PLEC: variants seen among roughly 807,000 people sequenced by gnomAD.
PLEC encodes the protein plectin.
Under a neutral mutation model 392.8 loss-of-function variants are expected in PLEC, and 216 were observed. The observed-to-expected ratio is 0.55, with a 90% CI of 0.49 to 0.62. The LOEUF is 0.62. Among genes scored for constraint, PLEC ranks in the 20% least tolerant of loss-of-function variants. PLEC has a pLI of 0.00. For missense variants in PLEC, 6,863 were observed against 6,563.4 expected (o/e 1.05, Z -1.58); for synonymous variants, 3,621 against 2,980.6 (o/e 1.21, Z -7.00).
At chr8:143,925,916 A>T (rs1554704611) in intron 30 of PLEC, 32 bp from the exon 31 acceptor site, 1 of 1,534,422 alleles carries the variant, frequency 6.5e-7, no homozygotes, top group Non-Finnish European at 8.7e-7. Flanking sequence ...GAAGAGAAGC[A>T]GAGAGAGTGT....
In PLEC at chr8:143,925,003, T is replaced by C. The variant is rs1554700231; in HGVS notation, c.4926A>G (p.Leu1642=). Residue 1642 remains leucine (L), a synonymous_variant, in exon 31 of 32, where the codon CTA becomes CTG. Transcript: ENST00000345136. The part of the protein sequence containing the change: ...ERWQLKANEA[L]RLRLQAEEVA... ...CCTCCTCCGCCTGCAGCCGCAGCCGTAGCGCCTCGTTGGCCTTGAGCTGCC... is the reference window on the plus strand; with the variant it reads ...CCTCCTCCGCCTGCAGCCGCAGCCGCAGCGCCTCGTTGGCCTTGAGCTGCC... 1 of 1,572,912 alleles carries C rather than the reference T, an allele frequency of 6.4e-7. No homozygotes were observed.
In PLEC at chr8:143,917,828, G is replaced by C; in HGVS notation, c.11993C>G (p.Pro3998Arg). Residue 3998 changes from proline (P) to arginine (R), a missense_variant, in exon 32 of 32, where the codon CCC (proline) becomes CGC (arginine). Pro to Arg is a moderately radical substitution (Grantham distance 103, BLOSUM62 -2). Coordinates refer to ENST00000345136, the MANE Select transcript of PLEC (RefSeq NM_201384.3). ...CGACAGCAGCTTGTCCTTGAACTCG[G>C]GGCCCACAATGCCCATACGCACAGC... ...EEAVRMGIVGPEFKDKLLSAE... is the reference protein window; with the variant it reads ...EEAVRMGIVGREFKDKLLSAE... 2 of 1,613,416 alleles carry C rather than the reference G, an allele frequency of 1.2e-6. No individual in the cohort carries two copies. The highest frequency in any genetic ancestry group is 1.7e-6 in the Non-Finnish European group (2 of 1,180,008).
At chr8:143,945,021 G>A (rs1449839552) in intron 1 of PLEC, among the ~76,000 whole-genome samples, 1 of 152,158 alleles carries the variant, frequency 6.6e-6, no homozygotes. Context: ...CGCGGGAGGT[G>A]CGGGCTCACG....
Position 143,924,707 on chromosome 8 carries a change from C to T in PLEC, c.5222G>A (p.Arg1741His), listed in dbSNP as rs782125424. Residue 1741 changes from arginine (R) to histidine (H), a missense_variant, in exon 31 of 32, where the codon CGT (arginine) becomes CAT (histidine). By Grantham distance (29) the Arg-to-His change is conservative (BLOSUM62 0). Transcript: ENST00000345136. ...LLEEELARLQREAAAATQKRQ... is the reference protein window; with the variant it reads ...LLEEELARLQHEAAAATQKRQ... ...TTTCTGCGTGGCTGCAGCCGCCTCA[C>T]GCTGCAGCCGGGCCAGCTCCTCCTC... The T allele has an allele frequency of 6.7e-5, 102 of 1,533,708 alleles. No homozygotes were observed. The African/African-American group carries it at 7.1e-4, about 11-fold the overall frequency.
chr8:143,969,702 G>C lies in PLEC; in HGVS notation c.70+3701C>G, dbSNP rs2132950821. 6.6e-6 allele frequency among the ~76,000 whole-genome samples: 1 copy of C among 152,326 alleles called. No individual in the cohort carries two copies. The highest frequency in any genetic ancestry group is 3.4e-3 in the Middle Eastern group (1 of 294). ...GGGCCTGTCCTGGGGGTCAGGGCAT[G>C]AGTGCAGGCCGGGGAGTGGGGAGTG... On this transcript the variant is annotated intron_variant, in intron 1 of 31. Transcript: ENST00000356346. This position sits in a 1 kb window ranked among gnomAD's most constrained non-coding sequence, Gnocchi z 5.1.
At position 143,936,028 on chromosome 8, in the gene PLEC, AGAG is replaced by A; in HGVS notation, c.436-17_436-15del. On this transcript the variant is annotated splice_polypyrimidine_tract_variant and intron_variant, in intron 5 of 31. Coordinates refer to ENST00000345136, the MANE Select transcript of PLEC (RefSeq NM_201384.3). Reference sequence around the variant, plus strand: ...GATATCTGAGATCTGCTCACAGCAGAGAGGAGGCCACAGCTCAGCCACAGCCAC... The same window carrying A: ...GATATCTGAGATCTGCTCACAGCAGAGAGGCCACAGCTCAGCCACAGCCAC... 2 of 1,610,412 alleles carry A rather than the reference AGAG, an allele frequency of 1.2e-6. No homozygotes were observed. Among genetic ancestry groups the A allele is most frequent in the Non-Finnish European group, 1.7e-6 (2 of 1,179,890 alleles).
In PLEC at chr8:143,931,673, A is replaced by AG. The variant is rs782612482; in HGVS notation, c.2179-15dup. 39 of 1,594,610 alleles carry AG rather than the reference A, an allele frequency of 2.4e-5. No individual in the cohort carries two copies. The South Asian group carries it at 4.4e-4, about 18-fold the overall frequency. Reference sequence around the variant, plus strand: ...ATCTGAGAAGAACTGGGGCAGCGGGAGGGGGTCACGCCAGGCTACCTGGGA... The same window carrying AG: ...ATCTGAGAAGAACTGGGGCAGCGGGAGGGGGGTCACGCCAGGCTACCTGGGA... On this transcript the variant is annotated splice_polypyrimidine_tract_variant and intron_variant, in intron 18 of 31. Transcript: ENST00000345136.
In PLEC at chr8:143,927,920, C is replaced by G; in HGVS notation, c.3333G>C (p.Gln1111His). The G allele has an allele frequency of 6.2e-7, 1 of 1,600,868 alleles. No homozygotes were observed. Among genetic ancestry groups the G allele is most frequent in the Non-Finnish European group, 8.5e-7 (1 of 1,174,734 alleles). Residue 1111 changes from glutamine to histidine, a missense_variant, in exon 26 of 32, where the codon CAG becomes CAC. Coordinates refer to ENST00000345136, the MANE Select transcript of PLEC (RefSeq NM_201384.3). ...CCGGCACGGCCTGGGCCTCCTTGAG[C>G]TGCTCCTCGTGGGCCCTGAGCACCT... ...AEEVLRAHEE[Q>H]LKEAQAVPAT...
upstream of PLEC, chr8:143,958,660 C>T (rs782222156): frequency 4.0e-5 from 18 of 454,440 alleles, no homozygotes; most frequent in South Asian, 1.6e-4. This position sits in a 1 kb window ranked among gnomAD's most constrained non-coding sequence, Gnocchi z 4.9. Flanking sequence ...ACAGCCCTGC[C>T]GCTGCCCTCT....
At position 143,922,040 on chromosome 8, in the gene PLEC, A is replaced by G. The variant is rs1473894110; in HGVS notation, c.7781T>C (p.Leu2594Pro). 1 of 1,595,426 alleles carries G rather than the reference A, an allele frequency of 6.3e-7. No homozygotes were observed. The highest frequency in any genetic ancestry group is 8.5e-7 in the Non-Finnish European group (1 of 1,178,828). ...CTCCAGGAGCTGCAGCTGCTCACGC[A>G]GCCTCTGGTTCTCCTCAGCCAGCAG... ...EELLAEENQR[L>P]REQLQLLEEQ... is the part of the protein sequence containing the mutation. The change falls in exon 32 of 32, where the codon CTG becomes CCG. Residue 2594 changes from leucine to proline, a missense_variant. Leu to Pro is a moderately conservative substitution (Grantham distance 98, BLOSUM62 -3). Transcript: ENST00000345136.
At position 143,918,268 on chromosome 8, in the gene PLEC, G is replaced by A. The variant is rs782756147; in HGVS notation, c.11553C>T (p.Thr3851=). Residue 3851 remains threonine (T), a synonymous_variant, in exon 32 of 32, where the codon ACC becomes ACT. Coordinates refer to ENST00000345136, the MANE Select transcript of PLEC (RefSeq NM_201384.3). ...SEVRSYVDPS[T]DERLSYTQLL... is the part of the protein sequence containing the mutation. Reference sequence around the variant, plus strand: ...GCTGCGTGTAGCTGAGGCGCTCGTCGGTGGACGGGTCCACGTAGCTGCGCA... The same window carrying A: ...GCTGCGTGTAGCTGAGGCGCTCGTCAGTGGACGGGTCCACGTAGCTGCGCA... The A allele has an allele frequency of 7.3e-5, 116 of 1,591,994 alleles. No individual in the cohort carries two copies. The highest frequency in any genetic ancestry group is 2.8e-4 in the African/African-American group (21 of 74,784).
Position 143,933,315 on chromosome 8 carries a change from G to C in PLEC, c.1300C>G (p.Arg434Gly), listed in dbSNP as rs775285083. The C allele has an allele frequency of 6.2e-7, 1 of 1,612,590 alleles. No homozygotes were observed. Among genetic ancestry groups the C allele is most frequent in the Admixed American group, 1.7e-5 (1 of 60,024 alleles). The change falls in exon 13 of 32, where the codon CGG becomes GGG. Residue 434 changes from arginine (R) to glycine (G), a missense_variant. Physicochemically the swap from Arg to Gly is moderately radical, Grantham distance 125 (BLOSUM62 -2). Coordinates refer to ENST00000345136, the MANE Select transcript of PLEC (RefSeq NM_201384.3). ...RLLAAGKVPQ[R>G]AGEVERDLDK... ...AAGTCCCGTTCCACCTCCCCCGCCC[G>C]CTGTGGCACTTTGCCTGCAGCCAGC... is the stretch of plus-strand genomic sequence containing the variant.
rs1821793864 is a variant in PLEC at position 143,919,506 on chromosome 8, G to A, written c.10315C>T (p.Pro3439Ser). The change falls in exon 32 of 32, where the codon CCC (proline) becomes TCC (serine). Residue 3439 changes from proline (P) to serine (S), a missense_variant. Physicochemically the swap from Pro to Ser is moderately conservative, Grantham distance 74. Coordinates refer to ENST00000345136, the MANE Select transcript of PLEC (RefSeq NM_201384.3). Reference sequence around the variant, plus strand: ...AGGGAGATGGTGCTGCCCGAGTAGGGGTCTCTGTAGCCGGTGACGGCCTTC... The same window carrying A: ...AGGGAGATGGTGCTGCCCGAGTAGGAGTCTCTGTAGCCGGTGACGGCCTTC... ...AEKAVTGYRD[P>S]YSGSTISLFQ... 2 of 1,612,802 alleles carry A rather than the reference G, an allele frequency of 1.2e-6. No individual in the cohort carries two copies. Among genetic ancestry groups the A allele is most frequent in the Admixed American group, 1.7e-5 (1 of 60,022 alleles).
intron 19 of PLEC, among the ~76,000 whole-genome samples, chr8:143,930,946 TCA>T (rs1483889417): frequency 1.3e-5 from 2 of 152,038 alleles, no homozygotes; most frequent in African/African-American, 4.8e-5. Context: ...CCTGCCGACC[TCA>T]GAGGCCATTT....
At position 143,931,391 on chromosome 8, in the gene PLEC, G is replaced by T. The variant is rs7006222; in HGVS notation, c.2304+143C>A. ...GCCCAGAACATCCTGCCTCATTCCC[G>T]CTTCGGCTGACCTCTACACCTCCCA... is the stretch of plus-strand genomic sequence containing the variant. On this transcript the variant is annotated intron_variant, in intron 19 of 31. Coordinates refer to ENST00000345136, the MANE Select transcript of PLEC (RefSeq NM_201384.3). 3.0e-5 allele frequency: 13 copies of T among 438,426 alleles called. 2 individuals carry two copies. Among genetic ancestry groups the T allele is most frequent in the Non-Finnish European group, 4.9e-5 (13 of 263,628 alleles). 27.2% of individuals were successfully genotyped at this position (438,426 alleles called of 1,614,324 possible). A position where few individuals can be genotyped will look rare whatever the true frequency, so the allele number is the denominator to read the frequency against.
rs562805820 is a variant in PLEC, at chr8:143,949,987, G to A, written c.523+197C>T. On this transcript the variant is annotated intron_variant, in intron 1 of 31. Transcript: ENST00000322810. ...CCTACACACCCGAAGGTCCCCAGCC[G>A]AGGAGGAGGGGCCACATGGGCCCAT... is the stretch of plus-strand genomic sequence containing the variant. 6.2e-3 allele frequency among the ~76,000 whole-genome samples: 941 copies of A among 152,292 alleles called. 7 individuals are homozygous for A. Among genetic ancestry groups the A allele is most frequent in the African/African-American group, 0.021 (875 of 41,570 alleles).
chr8:143,967,003 A>G (rs1203308263), intron 1 of PLEC, among the ~76,000 whole-genome samples: 3 of 152,248 alleles, frequency 2.0e-5, no homozygotes, highest in Non-Finnish European at 4.4e-5. Context: ...CATTTTAAGC[A>G]TAGCATAAAA....
Position 143,926,963 on chromosome 8 carries a change from C to G in PLEC, c.3945+14G>C, listed in dbSNP as rs1554706274. The G allele has an allele frequency of 1.9e-6, 3 of 1,609,768 alleles. No homozygotes were observed. The highest frequency in any genetic ancestry group is 2.5e-6 in the Non-Finnish European group (3 of 1,176,784). On this transcript the variant is annotated intron_variant, in intron 29 of 31. Transcript: ENST00000345136. ...TGCCAGCCCCTCACCCAGTTAGGTTCGGCCCCACCCTACCTCCTGGATGAC... is the reference window on the plus strand; with the variant it reads ...TGCCAGCCCCTCACCCAGTTAGGTTGGGCCCCACCCTACCTCCTGGATGAC...
rs2130896430 is a variant in PLEC at position 143,918,176 on chromosome 8, T to C, written c.11645A>G (p.Lys3882Arg). The C allele has an allele frequency of 6.3e-7, 1 of 1,594,202 alleles. No individual in the cohort carries two copies. ...CTTCCGCAGGCCACGGAAGGTCAGCTTGCGGGCGTCCGACAGTGGCAGGAG... is the reference window on the plus strand; with the variant it reads ...CTTCCGCAGGCCACGGAAGGTCAGCCTGCGGGCGTCCGACAGTGGCAGGAG... ...QLLLPLSDAR[K>R]LTFRGLRKQI... Residue 3882 changes from lysine to arginine, a missense_variant, in exon 32 of 32, where the codon AAG becomes AGG. Lys to Arg is a conservative substitution (Grantham distance 26, BLOSUM62 2). Transcript: ENST00000345136.
Sources: allele counts gnomAD v4.1 joint callset (sites outside exome capture counted in the v4.1 genomes callset), GRCh38; gene constraint gnomAD v4.1.1; non-coding constraint Gnocchi (gnomAD v3.1); transcripts MANE v1.5; gene names NCBI Gene and HGNC (gene_info 2026-07-23, HGNC 2026-07-21).